The following OPCML variants were observed in gnomAD, a reference collection of about 807,000 sequenced individuals.
OPCML encodes the protein opioid-binding protein/cell adhesion molecule.
Under a neutral mutation model 37.8 loss-of-function variants are expected in OPCML, and 13 were observed. That is an observed-to-expected ratio of 0.34 (90% CI 0.22 to 0.55). The LOEUF is 0.55. OPCML is among the 20% of genes least tolerant of loss of function. The probability of loss-of-function intolerance (pLI) is 0.91; values close to 1 mark genes in which losing one functional copy is unlikely to be tolerated. For missense variants in OPCML, 341 were observed against 435.6 expected (o/e 0.78, Z 1.93); for synonymous variants, 176 against 168.8 (o/e 1.04, Z -0.33).
chr11:133,055,665 T>G (rs1948222336), intron 1 of OPCML, among the ~76,000 whole-genome samples: 1 of 149,944 alleles, frequency 6.7e-6, no homozygotes, highest in South Asian at 2.1e-4. Context: ...GCCTCTACCA[T>G]ACAATGCTGC....
At chr11:133,530,100 G>C (rs891775347) in intron 1 of OPCML, among the ~76,000 whole-genome samples, 2 of 152,256 alleles carry the variant, frequency 1.3e-5, no homozygotes, top group African/African-American at 2.4e-5. Flanking sequence ...GCAGGGGGGT[G>C]GGGGGGATAG....
intron 1 of OPCML, among the ~76,000 whole-genome samples, chr11:133,320,787 C>T (rs1410574728): frequency 6.6e-6 from 1 of 152,160 alleles, no homozygotes. Flanking sequence ...TGGGTCTGTG[C>T]TGTCTCTCCT....
At chr11:133,003,827 G>A (rs560983715) in intron 1 of OPCML, 26 of 985,344 alleles carry the variant, frequency 2.6e-5, no homozygotes, top group East Asian at 2.3e-4. Context: ...TCCAAACAGC[G>A]GATAAATGAA....
chr11:132,904,588 A>G (rs1012847446), intron 2 of OPCML, among the ~76,000 whole-genome samples: 2 of 152,214 alleles, frequency 1.3e-5, no homozygotes, highest in Non-Finnish European at 2.9e-5. Flanking sequence ...AGTTTTTGAA[A>G]TTGTTGGTGA....
At chr11:132,565,375 T>C (rs571741613) in intron 3 of OPCML, among the ~76,000 whole-genome samples, 1 of 152,298 alleles carries the variant, frequency 6.6e-6, no homozygotes, top group South Asian at 2.1e-4. Context: ...TGAACTTGAA[T>C]GTTAATTTGG....
At chr11:132,727,925 C>A (rs891993891) in intron 2 of OPCML, among the ~76,000 whole-genome samples, 3 of 152,176 alleles carry the variant, frequency 2.0e-5, no homozygotes, top group Non-Finnish European at 4.4e-5. Context: ...CTCTGGGCTT[C>A]CCCAGCTCCT....
chr11:133,183,553 C>T (rs1297618312), intron 1 of OPCML, among the ~76,000 whole-genome samples: 1 of 152,174 alleles, frequency 6.6e-6, no homozygotes, highest in Non-Finnish European at 1.5e-5. Context: ...CAAAAAACCT[C>T]TTCCCAAACC....
chr11:132,530,839 C>T (rs907934190), intron 3 of OPCML, among the ~76,000 whole-genome samples: 2 of 152,126 alleles, frequency 1.3e-5, no homozygotes, highest in African/African-American at 4.8e-5. Context: ...TTAAAAGCAT[C>T]AGCACTCCTA....
At chr11:132,486,688 CT>C in intron 4 of OPCML, among the ~76,000 whole-genome samples, 1 of 149,368 alleles carries the variant, frequency 6.7e-6, no homozygotes, top group Non-Finnish European at 1.5e-5. Flanking sequence ...TCCTTTCTTT[CT>C]TTCCTTTTTT....
intron 1 of OPCML, among the ~76,000 whole-genome samples, chr11:133,352,043 C>T (rs1236879283): frequency 6.6e-6 from 1 of 152,178 alleles, no homozygotes; most frequent in African/African-American, 2.4e-5. Context: ...ATTGCAATAG[C>T]CTTCTAACTT....
chr11:132,771,286 C>T (rs575405362), intron 2 of OPCML, among the ~76,000 whole-genome samples: 1 of 152,260 alleles, frequency 6.6e-6, no homozygotes, highest in African/African-American at 2.4e-5. Flanking sequence ...TGCTTAGTGC[C>T]AAATTTCCTG....
intron 2 of OPCML, among the ~76,000 whole-genome samples, chr11:132,885,119 C>G (rs1440681397): frequency 6.6e-6 from 1 of 152,232 alleles, no homozygotes; most frequent in Non-Finnish European, 1.5e-5. Flanking sequence ...ACCCCACCAC[C>G]AAATGCCAGG....
chr11:133,279,473 G>A (rs1056880992), intron 1 of OPCML, among the ~76,000 whole-genome samples: 14 of 152,138 alleles, frequency 9.2e-5, no homozygotes, highest in Non-Finnish European at 1.5e-4. Flanking sequence ...CTCCTGATAA[G>A]CAGCCGTCTG....
chr11:133,334,942 T>C (rs1943710278), intron 1 of OPCML, among the ~76,000 whole-genome samples: 1 of 152,176 alleles, frequency 6.6e-6, no homozygotes, highest in Non-Finnish European at 1.5e-5. Context: ...ACTGGTGCGC[T>C]CCATGGAAGC....
intron 2 of OPCML, among the ~76,000 whole-genome samples, chr11:132,717,538 C>G (rs77620001): frequency 0.075 from 11,444 of 152,102 alleles, 1,289 homozygotes; most frequent in African/African-American, 0.25. Flanking sequence ...ATTTAACAGT[C>G]GTCATCTCTG....
At chr11:133,038,296 G>C (rs1338532403) in intron 1 of OPCML, among the ~76,000 whole-genome samples, 1 of 152,098 alleles carries the variant, frequency 6.6e-6, no homozygotes, top group East Asian at 1.9e-4. Flanking sequence ...TTATAGCTCG[G>C]GTGGGACACT....
At chr11:132,801,063 C>T (rs2136202536) in intron 2 of OPCML, among the ~76,000 whole-genome samples, 1 of 152,292 alleles carries the variant, frequency 6.6e-6, no homozygotes. Flanking sequence ...ACTAATTCAA[C>T]TTATTTACTT....
intron 1 of OPCML, among the ~76,000 whole-genome samples, chr11:133,081,403 T>TG (rs1251625897): frequency 1.3e-5 from 2 of 152,224 alleles, no homozygotes; most frequent in African/African-American, 4.8e-5. Context: ...GATGATTCTC[T>TG]GCTTTCCCAA....
chr11:132,981,383 G>A (rs1946580287), intron 1 of OPCML, among the ~76,000 whole-genome samples: 1 of 152,160 alleles, frequency 6.6e-6, no homozygotes, highest in Non-Finnish European at 1.5e-5. Flanking sequence ...GGTCCTGAAG[G>A]CGGAGTTCTG....
Sources: gnomAD v4.1 joint callset for allele counts (sites outside exome capture counted in the v4.1 genomes callset) on GRCh38, gnomAD v4.1.1 for gene constraint, MANE v1.5 for transcripts, NCBI Gene and HGNC (gene_info 2026-07-23, HGNC 2026-07-21) for gene names.